The following DPP10 variants were observed in gnomAD, a reference collection of about 807,000 sequenced individuals.
DPP10 encodes the protein inactive dipeptidyl peptidase 10.
Under a neutral mutation model 120.9 loss-of-function variants are expected in DPP10, and 33 were observed. The ratio of observed to expected loss-of-function variants is 0.27; its 90% confidence interval spans 0.21 to 0.37. The LOEUF is 0.37. DPP10 is among the 10% of genes least tolerant of loss of function. The pLI, the probability that DPP10 is intolerant of heterozygous loss-of-function variation, is 1.00. For missense variants in DPP10, 816 were observed against 942.8 expected (o/e 0.87, Z 1.76); for synonymous variants, 337 against 326.1 (o/e 1.03, Z -0.36).
At chr2:114,862,099 G>C (rs1450819377) in intron 1 of DPP10, among the ~76,000 whole-genome samples, 1 of 152,016 alleles carries the variant, frequency 6.6e-6, no homozygotes, top group East Asian at 1.9e-4. Context: ...GTCAAACCCA[G>C]AATTTTATTA....
chr2:115,357,390 C>CA (rs1413559202), intron 3 of DPP10, among the ~76,000 whole-genome samples: 5 of 152,226 alleles, frequency 3.3e-5, no homozygotes, highest in Non-Finnish European at 5.9e-5. Context: ...TTCAATAAGG[C>CA]AGTCATAAAC....
At chr2:115,269,830 G>A (rs1322986501) in intron 1 of DPP10, among the ~76,000 whole-genome samples, 2 of 152,098 alleles carry the variant, frequency 1.3e-5, no homozygotes, top group Non-Finnish European at 2.9e-5. Flanking sequence ...AATTTTGGGT[G>A]ACTCCCTTAG....
intron 1 of DPP10, among the ~76,000 whole-genome samples, chr2:114,685,583 G>A (rs2105737084): frequency 6.6e-6 from 1 of 152,008 alleles, no homozygotes; most frequent in East Asian, 1.9e-4. Flanking sequence ...GTGCAAAATT[G>A]AACTCATCTT....
intron 1 of DPP10, among the ~76,000 whole-genome samples, chr2:114,990,416 TATC>T (rs1700691133): frequency 1.3e-5 from 2 of 150,896 alleles, no homozygotes; most frequent in Non-Finnish European, 3.0e-5. Flanking sequence ...CTAATCTATC[TATC>T]TATCTCTTTT....
chr2:115,459,130 G>C (rs1005201966), intron 3 of DPP10, among the ~76,000 whole-genome samples: 3 of 151,932 alleles, frequency 2.0e-5, no homozygotes, highest in African/African-American at 7.3e-5. Flanking sequence ...TCAAAATTTG[G>C]GGTAAGTCAG....
At chr2:115,072,021 T>C (rs899834985) in intron 1 of DPP10, among the ~76,000 whole-genome samples, 1 of 152,052 alleles carries the variant, frequency 6.6e-6, no homozygotes, top group African/African-American at 2.4e-5. Flanking sequence ...GTTGAGGTAA[T>C]GATAGCAGAT....
intron 1 of DPP10, among the ~76,000 whole-genome samples, chr2:114,607,991 G>A (rs1172355883): frequency 1.3e-5 from 2 of 152,142 alleles, no homozygotes; most frequent in Non-Finnish European, 2.9e-5. Flanking sequence ...TTGTGAGCTG[G>A]TCATGAGCCT....
intron 1 of DPP10, among the ~76,000 whole-genome samples, chr2:115,290,533 T>C (rs770321521): frequency 1.9e-4 from 29 of 152,232 alleles, no homozygotes; most frequent in Admixed American, 6.5e-4. Flanking sequence ...ATTTTCATAA[T>C]GAAATGTTCT....
chr2:115,118,638 T>C (rs373478928), intron 1 of DPP10, among the ~76,000 whole-genome samples: 3 of 152,190 alleles, frequency 2.0e-5, no homozygotes, highest in South Asian at 4.2e-4. Context: ...AGTGCAGTAG[T>C]GCAATCTCTC....
At chr2:115,588,377 A>T (rs1195372159) in intron 5 of DPP10, among the ~76,000 whole-genome samples, 1 of 152,202 alleles carries the variant, frequency 6.6e-6, no homozygotes, top group South Asian at 2.1e-4. Flanking sequence ...AAAATCATTC[A>T]GTCTATTCAT....
intron 1 of DPP10, among the ~76,000 whole-genome samples, chr2:114,625,102 A>T (rs901027760): frequency 6.6e-6 from 1 of 152,064 alleles, no homozygotes; most frequent in Admixed American, 6.6e-5. Context: ...GTCTGAATCA[A>T]GATTCAAGTA....
At chr2:115,840,318 G>GTTTTTTTTTTTT (rs1559227733) in intron 24 of DPP10, among the ~76,000 whole-genome samples, 6 of 31,858 alleles carry the variant, frequency 1.9e-4, no homozygotes, top group African/African-American at 5.9e-4. Context: ...AAGGTTTTTT[G>GTTTTTTTTTTTT]GTTTTTTTTT....
chr2:115,762,819 A>T (rs994171743), intron 12 of DPP10, among the ~76,000 whole-genome samples: 1 of 152,188 alleles, frequency 6.6e-6, no homozygotes, highest in Non-Finnish European at 1.5e-5. Context: ...AGGAGACATA[A>T]ATTGCAGAGT....
chr2:115,840,960 C>A, intron 25 of DPP10, 137 bp downstream of exon 25: 3 of 653,222 alleles, frequency 4.6e-6, no homozygotes, highest in Non-Finnish European at 7.3e-6. Context: ...AGATTGTGTT[C>A]TCTGTTCCTG....
intron 1 of DPP10, among the ~76,000 whole-genome samples, chr2:114,674,784 G>T (rs974476225): frequency 7.9e-5 from 12 of 152,174 alleles, no homozygotes; most frequent in Non-Finnish European, 1.5e-5. Context: ...GTGAAGTACT[G>T]CATCAGACCA....
intron 1 of DPP10, among the ~76,000 whole-genome samples, chr2:115,100,459 A>AAAAC (rs1553488083): frequency 2.0e-5 from 3 of 150,370 alleles, no homozygotes; most frequent in South Asian, 4.2e-4. Flanking sequence ...TAAATTAAAA[A>AAAAC]ACACACACAC....
At chr2:115,350,823 C>T (rs746911393) in intron 3 of DPP10, among the ~76,000 whole-genome samples, 17 of 152,032 alleles carry the variant, frequency 1.1e-4, no homozygotes, top group Middle Eastern at 6.8e-3. Flanking sequence ...TATTACAAAC[C>T]TAAATAGTAC....
chr2:115,537,592 G>C (rs1421320440), intron 5 of DPP10, among the ~76,000 whole-genome samples: 12 of 116,234 alleles, frequency 1.0e-4, no homozygotes, highest in Non-Finnish European at 6.9e-5. Context: ...TCATGGATCT[G>C]TGTATGGTCT....
At chr2:115,741,230 G>A (rs375217471) in intron 9 of DPP10, among the ~76,000 whole-genome samples, 5 of 152,060 alleles carry the variant, frequency 3.3e-5, no homozygotes. Context: ...AGTATTAAAT[G>A]CAAGATTATA....
Sources: gnomAD v4.1 joint callset for allele counts (sites outside exome capture counted in the v4.1 genomes callset) on GRCh38, gnomAD v4.1.1 for gene constraint, MANE v1.5 for transcripts, NCBI Gene and HGNC (gene_info 2026-07-23, HGNC 2026-07-21) for gene names.